Variants in PPARGC1B observed in about 807,000 individuals in gnomAD.
PPARGC1B encodes the protein PPARG coactivator 1 beta, also known as peroxisome proliferator-activated receptor gamma coactivator 1-beta.
PPARGC1B carries 34 observed loss-of-function variants against 101.6 expected under a neutral mutation model. The ratio of observed to expected loss-of-function variants is 0.33; its 90% confidence interval spans 0.25 to 0.45. The LOEUF (loss-of-function observed/expected upper bound fraction) is 0.45. PPARGC1B is among the 20% of genes least tolerant of loss of function. PPARGC1B has a pLI of 1.00. For missense variants in PPARGC1B, 1,234 were observed against 1,317.6 expected (o/e 0.94, Z 0.98); for synonymous variants, 548 against 539.3 (o/e 1.02, Z -0.22).
At position 149,851,990 on chromosome 5, in the gene PPARGC1B, G is replaced by C. The variant is rs1167178545; in HGVS notation, c.*4432G>C. ...TTTGGCTGTGTGAAGTGATCTTCTA[G>C]AGACTGGGACAGGGAGTTTGGGAAT... is the stretch of plus-strand genomic sequence containing the variant. On this transcript the variant is annotated 3_prime_UTR_variant, in exon 12 of 12. Transcript: ENST00000309241. 6.6e-6 allele frequency: 1 copy of C among 152,356 alleles called. No individual in the cohort carries two copies. Among genetic ancestry groups the C allele is most frequent in the Non-Finnish European group, 1.5e-5 (1 of 68,114 alleles). 9.4% of individuals were successfully genotyped at this position (152,356 alleles called of 1,614,324 possible).
At chr5:149,750,289 AT>A (rs919958527) in intron 1 of PPARGC1B, among the ~76,000 whole-genome samples, 221 of 145,388 alleles carry the variant, frequency 1.5e-3, no homozygotes, top group Admixed American at 1.3e-3. Context: ...TTCAGGCCAG[AT>A]TTTTTTTTTT....
chr5:149,775,798 A>G (rs1023319351), intron 1 of PPARGC1B, among the ~76,000 whole-genome samples: 1 of 152,030 alleles, frequency 6.6e-6, no homozygotes, highest in Middle Eastern at 3.4e-3. Context: ...CTGCCTTTGG[A>G]TCTCCTTCTC....
intron 4 of PPARGC1B, among the ~76,000 whole-genome samples, chr5:149,831,407 C>G (rs1263680460): frequency 6.6e-6 from 1 of 152,192 alleles, no homozygotes; most frequent in Non-Finnish European, 1.5e-5. Flanking sequence ...TACACACAAC[C>G]CCTCCTCTTC....
chr5:149,801,327 T>C (rs527300303), intron 1 of PPARGC1B, among the ~76,000 whole-genome samples: 1 of 152,316 alleles, frequency 6.6e-6, no homozygotes, highest in South Asian at 2.1e-4. Context: ...AAAGGCTCCT[T>C]ATATGATCTG....
Position 149,847,493 on chromosome 5 carries a change from A to T in PPARGC1B, c.3007A>T (p.Lys1003Ter). 1 of 1,614,178 alleles carries T rather than the reference A, an allele frequency of 6.2e-7. No homozygotes were observed. Among genetic ancestry groups the T allele is most frequent in the Non-Finnish European group, 8.5e-7 (1 of 1,180,012 alleles). ...NSEEALPASG[K>*]SKYEAMDFDS... is the part of the protein sequence containing the mutation. Reference sequence around the variant, plus strand: ...AGAAGAGGCCCTTCCTGCGTCAGGGAAAAGCAAGTATGAAGCCATGGATTT... The same window carrying T: ...AGAAGAGGCCCTTCCTGCGTCAGGGTAAAGCAAGTATGAAGCCATGGATTT... Residue 1003 changes from lysine (K) to a stop codon, truncating the protein, a stop_gained, in exon 12 of 12, where the codon AAA (lysine) becomes TAA (stop). Coordinates refer to ENST00000309241, the MANE Select transcript of PPARGC1B (RefSeq NM_133263.4). LOFTEE classifies it high-confidence loss of function.
At chr5:149,809,547 G>A (rs1261313689) in intron 1 of PPARGC1B, among the ~76,000 whole-genome samples, 3 of 151,246 alleles carry the variant, frequency 2.0e-5, no homozygotes, top group Non-Finnish European at 4.4e-5. Context: ...AGCAAGCTGG[G>A]AGTGGTGGTG....
At chr5:149,830,681 G>A in intron 3 of PPARGC1B, 86 bp from the exon 4 acceptor site, 1 of 947,608 alleles carries the variant, frequency 1.1e-6, no homozygotes, top group South Asian at 1.4e-5. Context: ...TGATGCCCAA[G>A]GTCAGTCCTG....
Position 149,820,512 on chromosome 5 carries a change from AC to A in PPARGC1B, c.159del (p.Ser54ArgfsTer152), listed in dbSNP as rs1233675497. The A allele has an allele frequency of 6.2e-7, 1 of 1,613,786 alleles. No homozygotes were observed. Among genetic ancestry groups the A allele is most frequent in the African/African-American group, 1.3e-5 (1 of 74,918 alleles). On this transcript the variant is annotated frameshift_variant, in exon 2 of 12. Coordinates refer to ENST00000309241, the MANE Select transcript of PPARGC1B (RefSeq NM_133263.4). LOFTEE classifies it high-confidence loss of function. ...TCCCAGCTGGATGCCAGCGACTTTG[AC>A]TCGGCCACCTGCTTTGGGGAGCTGC... ...DLSQLDASDF[D>X]SATCFGELQW...
chr5:149,787,252 A>G (rs916161974), intron 1 of PPARGC1B, among the ~76,000 whole-genome samples: 3 of 152,192 alleles, frequency 2.0e-5, no homozygotes, highest in Non-Finnish European at 2.9e-5. Flanking sequence ...GCCAATCATG[A>G]TGGCTGGAAA....
chr5:149,801,846 G>A (rs186981460), intron 1 of PPARGC1B, among the ~76,000 whole-genome samples: 1 of 152,136 alleles, frequency 6.6e-6, no homozygotes, highest in Non-Finnish European at 1.5e-5. Flanking sequence ...ACCCAGAGAG[G>A]CTGCAGCTGT....
intron 7 of PPARGC1B, 23 bp from the exon 8 acceptor site, chr5:149,836,240 C>T: frequency 6.6e-7 from 1 of 1,522,232 alleles, no homozygotes; most frequent in Non-Finnish European, 8.8e-7. Context: ...CTTTATCTTA[C>T]CTTTCTCCTC....
chr5:149,836,302 A>G lies in PPARGC1B; in HGVS notation c.1847A>G (p.Glu616Gly). Reference protein sequence around the residue: ...PPTTPPYKPTEEDPFKPDIKH... With the variant: ...PPTTPPYKPTGEDPFKPDIKH... ...ACCACACCACCGTACAAGCCCACAGAGGAGGATCCCTTCAAACCAGACATC... is the reference window on the plus strand; with the variant it reads ...ACCACACCACCGTACAAGCCCACAGGGGAGGATCCCTTCAAACCAGACATC... Residue 616 changes from glutamate to glycine, a missense_variant, in exon 8 of 12, where the codon GAG (glutamate) becomes GGG (glycine). Glu to Gly is a moderately conservative substitution (Grantham distance 98). Around this residue, in one of 3 missense-constraint regions of PPARGC1B, gnomAD observed 497 missense variants for 529.5 expected, o/e 0.94. Coordinates refer to ENST00000309241, the MANE Select transcript of PPARGC1B (RefSeq NM_133263.4). 6.2e-7 allele frequency: 1 copy of G among 1,608,752 alleles called. No homozygotes were observed. The highest frequency in any genetic ancestry group is 8.5e-7 in the Non-Finnish European group (1 of 1,177,488).
intron 1 of PPARGC1B, among the ~76,000 whole-genome samples, chr5:149,753,889 T>C (rs977895604): frequency 1.3e-5 from 2 of 152,076 alleles, no homozygotes; most frequent in Non-Finnish European, 2.9e-5. Context: ...AGACGGGATT[T>C]TGCCATGTTG....
chr5:149,732,148 G>T (rs1754518143), intron 1 of PPARGC1B, among the ~76,000 whole-genome samples: 1 of 152,014 alleles, frequency 6.6e-6, no homozygotes, highest in Non-Finnish European at 1.5e-5. Context: ...CGCCGTCGTC[G>T]CCGGGCTCCG....
At chr5:149,751,413 AAACT>A (rs1755297015) in intron 1 of PPARGC1B, among the ~76,000 whole-genome samples, 1 of 152,218 alleles carries the variant, frequency 6.6e-6, no homozygotes, top group Non-Finnish European at 1.5e-5. Context: ...AAAGTAAAGA[AAACT>A]AATCCCGGCC....
At chr5:149,835,992 A>G (rs542172630) in intron 7 of PPARGC1B, among the ~76,000 whole-genome samples, 1 of 120,484 alleles carries the variant, frequency 8.3e-6, no homozygotes, top group Non-Finnish European at 1.6e-5. Context: ...TAGTCTTACT[A>G]TGTTGTCCAG....
intron 1 of PPARGC1B, among the ~76,000 whole-genome samples, chr5:149,731,370 C>G (rs1234485285): frequency 6.6e-6 from 1 of 152,222 alleles, no homozygotes; most frequent in Non-Finnish European, 1.5e-5. Context: ...CCACCCAATG[C>G]CTGTTGCAAG....
chr5:149,773,733 A>G (rs1354565973), intron 1 of PPARGC1B, among the ~76,000 whole-genome samples: 2 of 152,138 alleles, frequency 1.3e-5, no homozygotes, highest in Non-Finnish European at 2.9e-5. Context: ...CAGGGTGGCC[A>G]TGTGCTGGAA....
chr5:149,798,959 G>A (rs1039471932), intron 1 of PPARGC1B, among the ~76,000 whole-genome samples: 2 of 152,128 alleles, frequency 1.3e-5, no homozygotes, highest in Non-Finnish European at 2.9e-5. Context: ...CAGGGGCTGG[G>A]TGCTGAGGAA....
Sources: gnomAD v4.1 joint callset for allele counts (sites outside exome capture counted in the v4.1 genomes callset) on GRCh38, gnomAD v4.1.1 for gene constraint, gnomAD v4.1.1 regional missense constraint, MANE v1.5 for transcripts, NCBI Gene and HGNC (gene_info 2026-07-23, HGNC 2026-07-21) for gene names.